Variants in RBFOX1 observed in about 807,000 individuals in gnomAD.
RBFOX1 encodes RNA binding protein fox-1 homolog 1.
A neutral mutation model predicts 57.7 loss-of-function variants in RBFOX1; 8 were observed. The observed-to-expected ratio is 0.14, with a 90% CI of 0.08 to 0.25. The LOEUF (loss-of-function observed/expected upper bound fraction) is 0.25. Ranked by LOEUF, RBFOX1 falls within the 10% of genes least tolerant of loss-of-function variation. The probability of loss-of-function intolerance (pLI) is 1.00; values close to 1 mark genes in which losing one functional copy is unlikely to be tolerated. For synonymous variants in RBFOX1, 326 were observed against 222.4 expected (o/e 1.47, Z -4.15); for missense variants, 611 against 548.5 (o/e 1.11, Z -1.14).
intron 4 of RBFOX1, among the ~76,000 whole-genome samples, chr16:7,382,740 C>T (rs544330212): frequency 1.3e-5 from 2 of 152,238 alleles, no homozygotes; most frequent in Non-Finnish European, 2.9e-5. Context: ...TTTGTATGTA[C>T]GTTCCAAAGC....
chr16:7,521,905 C>G (rs762182215), intron 5 of RBFOX1, among the ~76,000 whole-genome samples: 36 of 152,176 alleles, frequency 2.4e-4, no homozygotes, highest in Non-Finnish European at 5.0e-4. Flanking sequence ...CCTGAGTTGG[C>G]TTCCTCGTCC....
chr16:6,983,295 C>A (rs914346642), intron 3 of RBFOX1, among the ~76,000 whole-genome samples: 3 of 152,030 alleles, frequency 2.0e-5, no homozygotes, highest in African/African-American at 4.8e-5. Context: ...AGTTGTCTAT[C>A]CAATGAGTTT....
chr16:6,987,783 A>G (rs1054586295), intron 3 of RBFOX1, among the ~76,000 whole-genome samples: 3 of 152,180 alleles, frequency 2.0e-5, no homozygotes, highest in African/African-American at 7.2e-5. Context: ...AATAAGAACG[A>G]ACATTGTAAG....
chr16:6,394,691 A>T (rs570368707), intron 2 of RBFOX1, among the ~76,000 whole-genome samples: 3 of 151,586 alleles, frequency 2.0e-5, no homozygotes, highest in African/African-American at 7.3e-5. Context: ...AATGTATTAG[A>T]TAATGTGTGT....
chr16:5,956,215 G>C (rs1410739607), intron 4 of RBFOX1, among the ~76,000 whole-genome samples: 1 of 152,168 alleles, frequency 6.6e-6, no homozygotes, highest in Non-Finnish European at 1.5e-5. Context: ...GGTGGAGTTT[G>C]CAATGAGCCG....
intron 3 of RBFOX1, among the ~76,000 whole-genome samples, chr16:6,947,688 C>T (rs1430686368): frequency 6.6e-6 from 1 of 152,218 alleles, no homozygotes; most frequent in Admixed American, 6.5e-5. Context: ...TATATGACTT[C>T]TCTGAGCCTC....
intron 4 of RBFOX1, among the ~76,000 whole-genome samples, chr16:5,991,326 C>T (rs1030611477): frequency 6.6e-6 from 1 of 152,182 alleles, no homozygotes; most frequent in Non-Finnish European, 1.5e-5. Flanking sequence ...TGCACCCCTT[C>T]CCTTCCTTTC....
chr16:5,603,366 G>A (rs2047430666), downstream of RBFOX1, among the ~76,000 whole-genome samples: 1 of 151,446 alleles, frequency 6.6e-6, no homozygotes, highest in Non-Finnish European at 1.5e-5. Context: ...GCTCAGAAGG[G>A]CATGGCTTGC....
chr16:7,406,114 GA>G (rs1238943397), intron 4 of RBFOX1, among the ~76,000 whole-genome samples: 1 of 152,156 alleles, frequency 6.6e-6, no homozygotes, highest in Admixed American at 6.5e-5. Context: ...TTCTTGGCAA[GA>G]TACCCGCATT....
intron 2 of RBFOX1, among the ~76,000 whole-genome samples, chr16:6,429,834 C>T (rs942964609): frequency 1.3e-5 from 2 of 152,140 alleles, no homozygotes; most frequent in African/African-American, 4.8e-5. Context: ...TCCTGCCCAG[C>T]GTGGTGGCTC....
intron 4 of RBFOX1, among the ~76,000 whole-genome samples, chr16:5,975,667 C>G (rs962018227): frequency 3.3e-5 from 5 of 152,106 alleles, no homozygotes; most frequent in African/African-American, 1.2e-4. Flanking sequence ...ATAGTCTGTG[C>G]TCTTGCCCAT....
At chr16:7,678,683 A>C (rs1288539181) in intron 14 of RBFOX1, among the ~76,000 whole-genome samples, 1 of 152,230 alleles carries the variant, frequency 6.6e-6, no homozygotes, top group Non-Finnish European at 1.5e-5. Flanking sequence ...TGGTCTAGAC[A>C]TTTAAACAAT....
chr16:6,197,640 T>TA (rs1464601861), intron 1 of RBFOX1, among the ~76,000 whole-genome samples: 2 of 152,130 alleles, frequency 1.3e-5, no homozygotes, highest in East Asian at 3.9e-4. Context: ...TTTCTTTTTT[T>TA]TTTTTTAATT....
intron 3 of RBFOX1, among the ~76,000 whole-genome samples, chr16:5,806,229 ATGAGAC>A (rs959422136): frequency 6.6e-6 from 1 of 152,198 alleles, no homozygotes; most frequent in African/African-American, 2.4e-5. Flanking sequence ...TAACAAAATG[ATGAGAC>A]TGAGTGAATT....
chr16:6,821,524 C>G (rs2091299590), intron 3 of RBFOX1, among the ~76,000 whole-genome samples: 1 of 152,138 alleles, frequency 6.6e-6, no homozygotes, highest in South Asian at 2.1e-4. Flanking sequence ...AAAAGAAATC[C>G]CATGCCTATT....
chr16:7,123,220 C>T (rs184830796), intron 4 of RBFOX1, among the ~76,000 whole-genome samples: 1 of 152,082 alleles, frequency 6.6e-6, no homozygotes, highest in African/African-American at 2.4e-5. Flanking sequence ...AAATGCAAGC[C>T]CATAGATTAT....
chr16:6,792,979 A>T (rs1201237430), intron 3 of RBFOX1, among the ~76,000 whole-genome samples: 1 of 151,436 alleles, frequency 6.6e-6, no homozygotes, highest in Non-Finnish European at 1.5e-5. Flanking sequence ...CAGTGAGCTG[A>T]GACTGCATCA....
chr16:6,442,101 C>G (rs543664511), intron 2 of RBFOX1, among the ~76,000 whole-genome samples: 1 of 152,184 alleles, frequency 6.6e-6, no homozygotes, highest in Non-Finnish European at 1.5e-5. Context: ...CACAGGCTGC[C>G]GGGTGATAGA....
chr16:5,486,948 G>C (rs1480943843), intron 2 of RBFOX1, among the ~76,000 whole-genome samples: 2 of 152,106 alleles, frequency 1.3e-5, no homozygotes, highest in Admixed American at 6.5e-5. Context: ...CTTCTTCAAT[G>C]CTCACCTCAG....
Sources: allele counts gnomAD v4.1 joint callset (sites outside exome capture counted in the v4.1 genomes callset), GRCh38; gene constraint gnomAD v4.1.1; transcripts MANE v1.5; gene names NCBI Gene and HGNC (gene_info 2026-07-23, HGNC 2026-07-21).